The following APLF variants were observed in gnomAD, a reference collection of about 807,000 sequenced individuals.
APLF encodes aprataxin and PNKP like factor, also known as aprataxin and PNK-like factor.
A neutral mutation model predicts 55.6 loss-of-function variants in APLF; 61 were observed. The ratio of observed to expected loss-of-function variants is 1.10; its 90% CI spans 0.89 to 1.36. The LOEUF (loss-of-function observed/expected upper bound fraction) is 1.36, where lower values mean the gene tolerates loss of function less well. Ranked by LOEUF, APLF falls within the 40% of genes most tolerant of loss-of-function variation. APLF has a pLI of 0.00. For synonymous variants in APLF, 207 were observed against 214.8 expected, an observed-to-expected ratio of 0.96 and a Z score of 0.32; for missense variants, 611 against 602.5, an observed-to-expected ratio of 1.01 and a Z score of -0.15.
intron 8 of APLF, among the ~76,000 whole-genome samples, chr2:68,553,467 A>T (rs944156482): frequency 3.9e-5 from 6 of 152,118 alleles, no homozygotes; most frequent in African/African-American, 1.4e-4. Flanking sequence ...TTGAGGGTAT[A>T]TTTGTGAAGT....
intron 5 of APLF, among the ~76,000 whole-genome samples, chr2:68,514,765 C>T (rs760059088): frequency 9.2e-5 from 14 of 151,706 alleles, no homozygotes; most frequent in Non-Finnish European, 1.8e-4. Flanking sequence ...TGGAGAAGGC[C>T]TTCAGGAAAA....
chr2:68,477,040 A>T (rs1319439234), intron 1 of APLF, among the ~76,000 whole-genome samples: 1 of 152,242 alleles, frequency 6.6e-6, no homozygotes, highest in East Asian at 1.9e-4. Context: ...GTAGTAGTCT[A>T]TTTTATCATT....
chr2:68,535,165 A>G, intron 6 of APLF: 1 of 273,826 alleles, frequency 3.7e-6, no homozygotes, highest in Non-Finnish European at 7.5e-6. Flanking sequence ...GGATTTAAAA[A>G]TAAAACAAAC....
chr2:68,468,907 T>C (rs1558523189), intron 1 of APLF, among the ~76,000 whole-genome samples: 1 of 151,938 alleles, frequency 6.6e-6, no homozygotes, highest in African/African-American at 2.4e-5. Context: ...AATGGAACCA[T>C]TGGTACTTGC....
intron 5 of APLF, among the ~76,000 whole-genome samples, chr2:68,515,265 T>TC (rs949388175): frequency 1.3e-5 from 2 of 149,456 alleles, no homozygotes; most frequent in Non-Finnish European, 3.0e-5. Context: ...TTTCAGTTCT[T>TC]CCCACCCCCA....
At chr2:68,565,542 C>A (rs1671285352) in intron 8 of APLF, among the ~76,000 whole-genome samples, 1 of 151,904 alleles carries the variant, frequency 6.6e-6, no homozygotes, top group South Asian at 2.1e-4. Flanking sequence ...TACATACATA[C>A]ATACATACAT....
chr2:68,546,425 C>A (rs1670707412), intron 8 of APLF, among the ~76,000 whole-genome samples: 1 of 151,678 alleles, frequency 6.6e-6, no homozygotes, highest in South Asian at 2.1e-4. Context: ...GTGAGACCAG[C>A]ACAAGTTTGA....
intron 8 of APLF, among the ~76,000 whole-genome samples, chr2:68,551,687 TA>T (rs1207636788): frequency 1.3e-5 from 2 of 151,602 alleles, no homozygotes; most frequent in East Asian, 1.9e-4. Flanking sequence ...TACTCTTTTT[TA>T]AAAAACATAT....
chr2:68,573,392 G>T (rs1185689450), intron 9 of APLF, among the ~76,000 whole-genome samples: 4 of 152,094 alleles, frequency 2.6e-5, no homozygotes, highest in South Asian at 2.1e-4. Context: ...GTAATTTCCG[G>T]CCAGGCACAG....
rs77926647 is a variant in APLF at position 68,521,263 on chromosome 2, A to G, written c.623-4798A>G. Among the ~76,000 whole-genome samples the G allele has an allele frequency of 2.6e-3, 388 of 151,910 alleles. 12 individuals carry two copies. In the East Asian group the frequency reaches 0.052, roughly 20 times the overall value. ...TGCATCTCTTGGGTTTTCTAGGTAT[A>G]TGATTATATCGTTGGCAAATGGTGA... On this transcript the variant is annotated intron_variant, in intron 5 of 9. Transcript: ENST00000303795.
intron 8 of APLF, among the ~76,000 whole-genome samples, chr2:68,550,001 G>A (rs892989066): frequency 4.6e-5 from 7 of 152,032 alleles, no homozygotes; most frequent in Admixed American, 2.0e-4. Context: ...GTGTTGGTCC[G>A]ATATAATCTA....
intron 9 of APLF, among the ~76,000 whole-genome samples, chr2:68,573,126 G>T (rs535394045): frequency 1.7e-4 from 26 of 152,200 alleles, no homozygotes; most frequent in African/African-American, 5.8e-4. Flanking sequence ...ACATGTTAAA[G>T]AGTTTATTAT....
At chr2:68,535,383 G>T in intron 6 of APLF, 1 of 372,468 alleles carries the variant, frequency 2.7e-6, no homozygotes. Flanking sequence ...CTAATTTTTT[G>T]GTTTGTATCC....
chr2:68,474,026 A>G (rs1028017635), intron 1 of APLF, among the ~76,000 whole-genome samples: 1 of 152,204 alleles, frequency 6.6e-6, no homozygotes, highest in Non-Finnish European at 1.5e-5. Flanking sequence ...CAGGGATCCC[A>G]TGGCCCTTTC....
At chr2:68,490,520 G>A in intron 2 of APLF, among the ~76,000 whole-genome samples, 1 of 152,018 alleles carries the variant, frequency 6.6e-6, no homozygotes, top group East Asian at 1.9e-4. Context: ...TTATGATTTG[G>A]TTTAAAATTG....
intron 5 of APLF, among the ~76,000 whole-genome samples, chr2:68,520,791 T>A (rs917711584): frequency 7.2e-5 from 11 of 151,890 alleles, no homozygotes; most frequent in African/African-American, 2.6e-4. Context: ...TTGGCTAGAC[T>A]TGTTTTGGGC....
At chr2:68,520,482 G>A (rs1222231754) in intron 5 of APLF, among the ~76,000 whole-genome samples, 3 of 151,848 alleles carry the variant, frequency 2.0e-5, no homozygotes, top group Non-Finnish European at 4.4e-5. Flanking sequence ...ATACTGAGTT[G>A]ATTTTTGTAT....
intron 8 of APLF, among the ~76,000 whole-genome samples, chr2:68,564,685 G>A (rs1671251951): frequency 6.6e-6 from 1 of 152,096 alleles, no homozygotes; most frequent in African/African-American, 2.4e-5. Context: ...CTGAAGCTCA[G>A]ACAGCGTGCA....
rs564585430 is a variant in APLF, at chr2:68,537,631, A to G, written c.805-241A>G. On this transcript the variant is annotated intron_variant, in intron 6 of 9. Transcript: ENST00000303795. ...GTGATCCACCCGCCTCAGCCTTCCAAAGTGTTGGGATTACAGGCCTGAGCC... is the reference window on the plus strand; with the variant it reads ...GTGATCCACCCGCCTCAGCCTTCCAGAGTGTTGGGATTACAGGCCTGAGCC... Among the ~76,000 whole-genome samples the G allele has an allele frequency of 1.8e-3, 277 of 152,196 alleles. 1 individual carries two copies. The highest frequency in any genetic ancestry group is 3.4e-3 in the Non-Finnish European group (229 of 67,992).
Sources: allele counts gnomAD v4.1 joint callset (sites outside exome capture counted in the v4.1 genomes callset), GRCh38; gene constraint gnomAD v4.1.1; transcripts MANE v1.5; gene names NCBI Gene and HGNC (gene_info 2026-07-23, HGNC 2026-07-21).